Variants in LARGE1 observed in about 807,000 individuals in gnomAD.
The protein encoded by LARGE1 is xylosyl- and glucuronyltransferase LARGE1.
LARGE1 carries 43 observed loss-of-function variants against 87.6 expected under a neutral mutation model. The observed-to-expected ratio is 0.49, with a 90% CI of 0.38 to 0.63. The LOEUF (loss-of-function observed/expected upper bound fraction) is 0.63, where lower values mean the gene tolerates loss of function less well. Among genes scored for constraint, LARGE1 ranks in the 30% least tolerant of loss-of-function variants. LARGE1 has a pLI of 0.00. For missense variants in LARGE1, 802 were observed against 1,000.2 expected, an observed-to-expected ratio of 0.80 and a Z score of 2.67; for synonymous variants, 434 against 394.6, an observed-to-expected ratio of 1.10 and a Z score of -1.18.
chr22:33,598,039 T>C (rs2079024512), intron 5 of LARGE1, among the ~76,000 whole-genome samples: 1 of 152,138 alleles, frequency 6.6e-6, no homozygotes, highest in Non-Finnish European at 1.5e-5. Context: ...CCATGCTTAA[T>C]ATACTGGTTC....
intron 6 of LARGE1, among the ~76,000 whole-genome samples, chr22:33,503,205 T>C (rs1246273261): frequency 1.3e-5 from 2 of 151,752 alleles, no homozygotes; most frequent in African/African-American, 4.8e-5. Flanking sequence ...GGCCAAGAAA[T>C]GGTCCAGTTG....
chr22:33,346,303 TTTTC>T (rs1053655516), intron 9 of LARGE1, among the ~76,000 whole-genome samples: 13 of 148,386 alleles, frequency 8.8e-5, no homozygotes, highest in African/African-American at 2.7e-4. Flanking sequence ...TCCTTCTTCT[TTTTC>T]TTTTTTTTTT....
intron 12 of LARGE1, among the ~76,000 whole-genome samples, chr22:33,303,240 C>G (rs888733355): frequency 2.0e-5 from 3 of 152,182 alleles, no homozygotes; most frequent in African/African-American, 7.2e-5. Flanking sequence ...GTGGGGGGAG[C>G]TGGAAAGGGA....
At chr22:33,426,227 C>T (rs1053385199) in intron 7 of LARGE1, among the ~76,000 whole-genome samples, 3 of 152,080 alleles carry the variant, frequency 2.0e-5, no homozygotes, top group African/African-American at 4.8e-5. Flanking sequence ...CTCTATTAGA[C>T]GATAAACTTT....
At chr22:33,711,015 C>T (rs1444087245) in intron 2 of LARGE1, among the ~76,000 whole-genome samples, 1 of 152,110 alleles carries the variant, frequency 6.6e-6, no homozygotes, top group East Asian at 1.9e-4. Flanking sequence ...ATTTATTGTG[C>T]CCCTACTGTG....
At position 33,422,955 on chromosome 22, in the gene LARGE1, T is replaced by C. The variant is rs117487795; in HGVS notation, c.892+9206A>G. On this transcript the variant is annotated intron_variant, in intron 7 of 14. Transcript: ENST00000397394. Reference sequence around the variant, plus strand: ...TGGGCAGGGAAACAGATCCAAACCCTATCAATATTTGAGCCTGGAACTAAC... The same window carrying C: ...TGGGCAGGGAAACAGATCCAAACCCCATCAATATTTGAGCCTGGAACTAAC... 9.1e-3 allele frequency among the ~76,000 whole-genome samples: 1,380 copies of C among 152,048 alleles called. 40 individuals carry two copies. Among genetic ancestry groups the C allele is most frequent in the East Asian group, 0.073 (379 of 5,166 alleles).
chr22:33,789,447 A>C (rs560534080), intron 1 of LARGE1, among the ~76,000 whole-genome samples: 4 of 152,226 alleles, frequency 2.6e-5, no homozygotes, highest in African/African-American at 4.8e-5. Context: ...TGGATCCCCC[A>C]CACAGAGTGC....
At chr22:33,544,866 C>T (rs2148661061) in intron 6 of LARGE1, among the ~76,000 whole-genome samples, 1 of 151,626 alleles carries the variant, frequency 6.6e-6, no homozygotes, top group African/African-American at 2.4e-5. Context: ...TGAGTCATGT[C>T]CTTATCCCTT....
At chr22:33,300,880 T>C (rs1041579175) in intron 12 of LARGE1, among the ~76,000 whole-genome samples, 12 of 152,146 alleles carry the variant, frequency 7.9e-5, no homozygotes, top group African/African-American at 2.7e-4. Flanking sequence ...CTCACTATAT[T>C]GCTCAGGCTG....
At chr22:33,108,155 G>A in the LARGE1 span, among the ~76,000 whole-genome samples, 1 of 152,024 alleles carries the variant, frequency 6.6e-6, no homozygotes, top group Non-Finnish European at 1.5e-5. Flanking sequence ...AGCACATAAG[G>A]CACCTAGGAT....
the LARGE1 span, among the ~76,000 whole-genome samples, chr22:33,143,240 G>T: frequency 2.0e-5 from 3 of 152,092 alleles, no homozygotes; most frequent in African/African-American, 2.4e-5. Context: ...GGCTATCAAA[G>T]GTTGGTGAAC....
At chr22:33,359,553 G>A (rs1392660482) in intron 9 of LARGE1, among the ~76,000 whole-genome samples, 1 of 147,908 alleles carries the variant, frequency 6.8e-6, no homozygotes, top group East Asian at 2.0e-4. Context: ...CTGTATGGCA[G>A]ACTCATCTTT....
chr22:33,888,915 C>T (rs776178693), intron 1 of LARGE1, among the ~76,000 whole-genome samples: 13 of 152,276 alleles, frequency 8.5e-5, no homozygotes, highest in Middle Eastern at 3.4e-3. Context: ...TTGTAACATA[C>T]TTCACTCCCT....
chr22:33,102,721 C>T, the LARGE1 span, among the ~76,000 whole-genome samples: 1 of 151,664 alleles, frequency 6.6e-6, no homozygotes, highest in Non-Finnish European at 1.5e-5. Context: ...GAACTCCTGA[C>T]CTCAGGTGAC....
At chr22:33,135,652 C>T in the LARGE1 span, among the ~76,000 whole-genome samples, 2 of 152,044 alleles carry the variant, frequency 1.3e-5, no homozygotes, top group Non-Finnish European at 2.9e-5. Context: ...CCAGCCTGGC[C>T]AACATGGCAA....
intron 2 of LARGE1, among the ~76,000 whole-genome samples, chr22:33,760,996 C>CCAT (rs1343993148): frequency 3.3e-5 from 5 of 152,034 alleles, no homozygotes; most frequent in African/African-American, 1.2e-4. Context: ...ACCACCACCA[C>CCAT]GATGTTGAAT....
chr22:33,668,861 G>T (rs987250681), intron 2 of LARGE1, among the ~76,000 whole-genome samples: 1 of 152,202 alleles, frequency 6.6e-6, no homozygotes, highest in African/African-American at 2.4e-5. Context: ...AACTTTGGAA[G>T]TAGTGTAAGT....
At chr22:33,654,012 T>C (rs1232350515) in intron 2 of LARGE1, among the ~76,000 whole-genome samples, 1 of 152,172 alleles carries the variant, frequency 6.6e-6, no homozygotes, top group Non-Finnish European at 1.5e-5. Context: ...ACGTAAATTA[T>C]GATTGTCTGA....
intron 5 of LARGE1, among the ~76,000 whole-genome samples, chr22:33,578,794 A>G (rs1293667931): frequency 6.6e-6 from 1 of 152,226 alleles, no homozygotes; most frequent in Non-Finnish European, 1.5e-5. Context: ...ACATTCTTAG[A>G]ACATAGCAAA....
Sources: allele counts gnomAD v4.1 joint callset (sites outside exome capture counted in the v4.1 genomes callset), GRCh38; gene constraint gnomAD v4.1.1; transcripts MANE v1.5; gene names NCBI Gene and HGNC (gene_info 2026-07-23, HGNC 2026-07-21).